The following VILL variants were observed in gnomAD, a reference collection of about 807,000 sequenced individuals.
VILL encodes villin-like protein.
A neutral mutation model predicts 106.3 loss-of-function variants in VILL; 102 were observed. The ratio of observed to expected loss-of-function variants is 0.96; its 90% confidence interval spans 0.82 to 1.13. VILL has a LOEUF of 1.13. Among genes scored for constraint, VILL ranks in the 50% most tolerant of loss-of-function variants. The probability of loss-of-function intolerance (pLI) is 0.00; values close to 1 mark genes in which losing one functional copy is unlikely to be tolerated. For synonymous variants in VILL, 431 were observed against 440.3 expected, an observed-to-expected ratio of 0.98 and a Z score of 0.27; for missense variants, 1,076 against 1,116.6, an observed-to-expected ratio of 0.96 and a Z score of 0.52.
At chr3:37,992,983 C>G (rs1252864037) in intron 1 of VILL, among the ~76,000 whole-genome samples, 2 of 152,150 alleles carry the variant, frequency 1.3e-5, no homozygotes, top group East Asian at 1.9e-4. Context: ...GACTAACACA[C>G]CAGGGTCACC....
Position 38,004,463 on chromosome 3 carries a change from GGTGT to G in VILL, c.1950+71_1950+74del, listed in dbSNP as rs913764325. On this transcript the variant is annotated intron_variant, in intron 16 of 19. Transcript: ENST00000383759. ...GGGTGTGTTTCTGTTTGTGTAACTGGGTGTGTGTGTATCTAGCCATCTGCCTCTG... is the reference window on the plus strand; with the variant it reads ...GGGTGTGTTTCTGTTTGTGTAACTGGGTGTGTATCTAGCCATCTGCCTCTG... 3.3e-5 allele frequency: 51 copies of G among 1,566,090 alleles called. 1 individual carries two copies. The highest frequency in any genetic ancestry group is 1.8e-4 in the South Asian group (15 of 84,424).
chr3:38,005,923 G>A lies in VILL; in HGVS notation c.2082G>A (p.Glu694=). 1 of 1,614,024 alleles carries A rather than the reference G, an allele frequency of 6.2e-7. No homozygotes were observed. The highest frequency in any genetic ancestry group is 8.5e-7 in the Non-Finnish European group (1 of 1,179,922). The change falls in exon 17 of 20, where the codon GAG becomes GAA. Residue 694 remains glutamate (E), a synonymous_variant. Coordinates refer to ENST00000383759, the MANE Select transcript of VILL (RefSeq NM_015873.4). ...TCGTGCTGGTCAAGCAGGGCCATGA[G>A]CCTCCCACCTTCATTGGATGGTTCT... ...TPIVLVKQGH[E]PPTFIGWFFT...
At chr3:37,992,900 C>T (rs987978606) in intron 1 of VILL, among the ~76,000 whole-genome samples, 1 of 152,168 alleles carries the variant, frequency 6.6e-6, no homozygotes, top group Admixed American at 6.5e-5. Flanking sequence ...GTCCCCTCAC[C>T]TTGTTCTGCC....
In VILL at chr3:37,997,976, C is replaced by T; in HGVS notation, c.765-114C>T. 1.7e-6 allele frequency: 2 copies of T among 1,165,862 alleles called. No individual in the cohort carries two copies. Among genetic ancestry groups the T allele is most frequent in the South Asian group, 3.1e-5 (2 of 65,350 alleles). 72.2% of individuals were successfully genotyped at this position (1,165,862 alleles called of 1,614,324 possible). A position where few individuals can be genotyped will look rare whatever the true frequency, so the allele number is the denominator to read the frequency against. On this transcript the variant is annotated intron_variant, in intron 7 of 19. Coordinates refer to ENST00000383759, the MANE Select transcript of VILL (RefSeq NM_015873.4). This position sits in a 1 kb window ranked among gnomAD's most constrained non-coding sequence, Gnocchi z 4.7. ...AAGTGAAGACTACAACTCGGGGCCC[C>T]AGCCCCCATGCCTTCTGTCTCTGAG...
Position 37,993,699 on chromosome 3 carries a change from C to A in VILL, c.27C>A (p.Gly9=), listed in dbSNP as rs202089474. 1.2e-6 allele frequency: 2 copies of A among 1,614,076 alleles called. No homozygotes were observed. The highest frequency in any genetic ancestry group is 2.2e-5 in the South Asian group (2 of 91,088). ...TGGACATCAGCAAGGGCCTCCCAGG[C>A]ATGCAGGGAGGCCTCCACATATGGA... The part of the protein sequence containing the change: MDISKGLP[G]MQGGLHIWIS... The change falls in exon 2 of 20, where the codon GGC becomes GGA. Residue 9 remains glycine, a synonymous_variant. Transcript: ENST00000383759.
intron 13 of VILL, chr3:38,002,111 C>T: frequency 1.5e-6 from 1 of 666,744 alleles, no homozygotes. Context: ...TGCACACTAG[C>T]AAACCTGGTC....
intron 15 of VILL, 55 bp from the exon 16 acceptor site, chr3:38,004,200 A>G (rs1699871666): frequency 8.3e-6 from 13 of 1,563,952 alleles, no homozygotes; most frequent in Non-Finnish European, 1.1e-5. Flanking sequence ...CACTTGTGCC[A>G]TGGGCTGGGG....
intron 15 of VILL, chr3:38,003,522 G>A (rs552894406): frequency 2.5e-4 from 156 of 614,616 alleles, no homozygotes; most frequent in Non-Finnish European, 4.0e-4. Flanking sequence ...GCTGGGGAGA[G>A]TGGGGGCAGT....
rs1699752384 is a variant in VILL, at chr3:37,998,663, T to G, written c.943-249T>G. 6.6e-6 allele frequency among the ~76,000 whole-genome samples: 1 copy of G among 152,024 alleles called. No homozygotes were observed. The highest frequency in any genetic ancestry group is 6.5e-5 in the Admixed American group (1 of 15,280). ...GGTGGGGCTGGGGAGGAGACAGGGC[T>G]CTCTCTGTCTGGGGTCCGTGAGGGT... On this transcript the variant is annotated intron_variant, in intron 9 of 19. Coordinates refer to ENST00000383759, the MANE Select transcript of VILL (RefSeq NM_015873.4). This position sits in a 1 kb window ranked among gnomAD's most constrained non-coding sequence, Gnocchi z 4.1.
Position 38,006,475 on chromosome 3 carries a change from A to ATGGCCGGGCAATGGCAGGGCAGGTGCCG in VILL, c.2238_2265dup (p.Leu756GlyfsTer23), listed in dbSNP as rs753630196. On this transcript the variant is annotated frameshift_variant, in exon 19 of 20. Transcript: ENST00000383759. LOFTEE classifies it high-confidence loss of function. ...AAGTCAACAACTTGCGGCTATCCAG[A>ATGGCCGGGCAATGGCAGGGCAGGTGCCG]TGGCCGGGCAATGGCAGGGCAGGTG... 6.2e-7 allele frequency: 1 copy of ATGGCCGGGCAATGGCAGGGCAGGTGCCG among 1,606,178 alleles called. No homozygotes were observed. Among genetic ancestry groups the ATGGCCGGGCAATGGCAGGGCAGGTGCCG allele is most frequent in the African/African-American group, 1.3e-5 (1 of 74,736 alleles).
Position 37,999,292 on chromosome 3 carries a change from T to TGG in VILL, c.1082-39_1082-38dup, listed in dbSNP as rs367971860. 18 of 821,782 alleles carry TGG rather than the reference T, an allele frequency of 2.2e-5. No homozygotes were observed. The South Asian group carries it at 2.5e-4, about 12-fold the overall frequency. The allele number at this position is 821,782 out of a possible 1,614,324, so 50.9% of individuals were successfully genotyped here. ...GGAGTGGGCGGGGCGGAGATGGTGT[T>TGG]GGGGGGGGGCAGAGGGCGCCACTGA... On this transcript the variant is annotated intron_variant, in intron 10 of 19. Coordinates refer to ENST00000383759, the MANE Select transcript of VILL (RefSeq NM_015873.4).
chr3:37,994,154 G>A lies in VILL; in HGVS notation c.136-107G>A, dbSNP rs555938082. 1.9e-5 allele frequency: 28 copies of A among 1,439,614 alleles called. No homozygotes were observed. In the South Asian group the frequency reaches 2.9e-4, roughly 15 times the overall value. The allele number at this position is 1,439,614 out of a possible 1,614,324, so 89.2% of individuals were successfully genotyped here. On this transcript the variant is annotated intron_variant, in intron 3 of 19. Coordinates refer to ENST00000383759, the MANE Select transcript of VILL (RefSeq NM_015873.4). ...TTCCCTCCCACTTCCTGATCTCCGC[G>A]GAAGCCCCTGCCTAGCGTCTCCCCA...
Position 37,997,789 on chromosome 3 carries a change from C to T in VILL, c.764+104C>T. The T allele has an allele frequency of 7.6e-7, 1 of 1,310,988 alleles. No individual in the cohort carries two copies. Among genetic ancestry groups the T allele is most frequent in the Non-Finnish European group, 1.0e-6 (1 of 963,128 alleles). 81.2% of individuals were successfully genotyped at this position (1,310,988 alleles called of 1,614,324 possible). On this transcript the variant is annotated intron_variant, in intron 7 of 19. Transcript: ENST00000383759. The surrounding 1 kb of genome is among the most constrained non-coding windows in gnomAD (Gnocchi z 4.7). The stretch of plus-strand genomic sequence containing the variant: ...TCTCTAGAAGGCCCTCCAGCAAAGG[C>T]TGCTGGGTTTCTGGGACAGGTCATG...
At position 38,005,974 on chromosome 3, in the gene VILL, T is replaced by TGTGA. The variant is rs1200094445; in HGVS notation, c.2133+6_2133+9dup. On this transcript the variant is annotated frameshift_variant and splice_region_variant. Coordinates refer to ENST00000383759, the MANE Select transcript of VILL (RefSeq NM_015873.4). LOFTEE classifies it high-confidence loss of function. ...TCACTTGGGACCCCTACAAGTGGAC[T>TGTGA]GTGAGTGAGGCCTGAAACCCCCAGC... The TGTGA allele has an allele frequency of 6.2e-7, 1 of 1,609,172 alleles. No homozygotes were observed.
At chr3:37,994,031 T>C (rs1699653972) in intron 3 of VILL, 59 bp downstream of exon 3, 8 of 1,594,830 alleles carry the variant, frequency 5.0e-6, no homozygotes, top group East Asian at 2.2e-5. Flanking sequence ...CTGGGGAGAC[T>C]GAGGCACAGG....
intron 1 of VILL, among the ~76,000 whole-genome samples, chr3:37,992,801 C>G (rs1699629642): frequency 6.6e-6 from 1 of 152,200 alleles, no homozygotes; most frequent in Admixed American, 6.5e-5. Context: ...TGTGAACTCA[C>G]CAGGGCCAAA....
chr3:38,006,281 A>G, intron 18 of VILL, 29 bp downstream of exon 18: 1 of 1,613,878 alleles, frequency 6.2e-7, no homozygotes, highest in East Asian at 2.2e-5. Context: ...AGCCTTCCCC[A>G]CAGTGGCCTG....
chr3:38,006,082 G>A, intron 17 of VILL, 99 bp from the exon 18 acceptor site: 1 of 1,599,358 alleles, frequency 6.3e-7, no homozygotes, highest in East Asian at 2.2e-5. Context: ...TTGCCAGTGT[G>A]TGCGAGAGAC....
chr3:37,990,642 T>G (rs190908108), upstream of VILL: 412 of 152,588 alleles, frequency 2.7e-3, 2 homozygotes, highest in Admixed American at 7.5e-3. The surrounding 1 kb of genome is among the most constrained non-coding windows in gnomAD (Gnocchi z 5.1). Context: ...TGCTCGATAT[T>G]TGTTGACTGG....
Sources: allele counts gnomAD v4.1 joint callset (sites outside exome capture counted in the v4.1 genomes callset), GRCh38; gene constraint gnomAD v4.1.1; non-coding constraint Gnocchi (gnomAD v3.1); transcripts MANE v1.5; gene names NCBI Gene and HGNC (gene_info 2026-07-23, HGNC 2026-07-21).